Variants in CCDC171 observed in about 807,000 individuals in gnomAD.
CCDC171 encodes the protein coiled-coil domain-containing protein 171.
Under a neutral mutation model 168.2 loss-of-function variants are expected in CCDC171, and 177 were observed. That is an observed-to-expected ratio of 1.05 (90% CI 0.93 to 1.19). The LOEUF is 1.19. Ranked by LOEUF, CCDC171 falls within the 50% of genes most tolerant of loss-of-function variation. CCDC171 has a pLI of 0.00. For missense variants in CCDC171, 1,991 were observed against 1,539.0 expected (o/e 1.29, Z -4.91); for synonymous variants, 687 against 540.8 (o/e 1.27, Z -3.75).
At chr9:15,733,960 A>C (rs1371162130) in intron 16 of CCDC171, among the ~76,000 whole-genome samples, 1 of 152,004 alleles carries the variant, frequency 6.6e-6, no homozygotes, top group Non-Finnish European at 1.5e-5. Context: ...TTTTTTGTAG[A>C]GATGAGGTCT....
chr9:15,586,863 A>C (rs2041602245), intron 4 of CCDC171, among the ~76,000 whole-genome samples: 1 of 152,150 alleles, frequency 6.6e-6, no homozygotes, highest in Non-Finnish European at 1.5e-5. Flanking sequence ...GCTGGAGGGC[A>C]GTGGTGTGGT....
the CCDC171 span, among the ~76,000 whole-genome samples, chr9:16,107,798 G>C: frequency 2.0e-5 from 3 of 152,054 alleles, no homozygotes; most frequent in Non-Finnish European, 4.4e-5. Context: ...GTTTCTCAAG[G>C]TCAGGAGCCT....
At chr9:15,606,525 G>A (rs1163654817) in intron 6 of CCDC171, among the ~76,000 whole-genome samples, 2 of 152,140 alleles carry the variant, frequency 1.3e-5, no homozygotes, top group Non-Finnish European at 2.9e-5. Flanking sequence ...GGTCTTTCAG[G>A]AGATAATAAT....
At chr9:16,018,210 C>G (rs1402037818) in intron 3 of CCDC171, among the ~76,000 whole-genome samples, 2 of 152,030 alleles carry the variant, frequency 1.3e-5, no homozygotes, top group Non-Finnish European at 2.9e-5. Context: ...ATTTTTAACC[C>G]TTTCTGAGCT....
intron 11 of CCDC171, among the ~76,000 whole-genome samples, chr9:15,706,998 A>G (rs181549492): frequency 6.6e-6 from 1 of 152,306 alleles, no homozygotes; most frequent in Non-Finnish European, 1.5e-5. Flanking sequence ...TCATAAAGGA[A>G]TATTGCCTAC....
chr9:15,668,328 T>A (rs898762842), intron 9 of CCDC171, among the ~76,000 whole-genome samples: 3 of 152,212 alleles, frequency 2.0e-5, no homozygotes, highest in African/African-American at 7.2e-5. Context: ...TATACTTTCC[T>A]AATTGGACCC....
intron 3 of CCDC171, among the ~76,000 whole-genome samples, chr9:15,572,226 G>A (rs981091029): frequency 6.6e-6 from 1 of 152,064 alleles, no homozygotes; most frequent in Admixed American, 6.6e-5. Flanking sequence ...TATTTCATAT[G>A]TATATGCATA....
intron 21 of CCDC171, among the ~76,000 whole-genome samples, chr9:15,825,233 A>G (rs1167037276): frequency 3.3e-5 from 5 of 152,082 alleles, no homozygotes. Context: ...AAAGACACCA[A>G]CCACATGATT....
chr9:15,931,657 G>T (rs1249591700), intron 25 of CCDC171, among the ~76,000 whole-genome samples: 3 of 150,708 alleles, frequency 2.0e-5, no homozygotes, highest in Admixed American at 6.6e-5. Flanking sequence ...TGTTTTTGTT[G>T]CCTGTGTTTT....
intron 4 of CCDC171, among the ~76,000 whole-genome samples, chr9:15,589,416 G>A (rs2041828422): frequency 1.3e-5 from 2 of 152,100 alleles, no homozygotes; most frequent in Admixed American, 6.6e-5. Flanking sequence ...TTTCTAGATT[G>A]TAGATCTTTA....
downstream of CCDC171, among the ~76,000 whole-genome samples, chr9:16,062,540 C>A (rs1011194995): frequency 6.6e-5 from 10 of 151,834 alleles, no homozygotes; most frequent in Non-Finnish European, 4.4e-5. Flanking sequence ...CCCTGTATGC[C>A]CTGAACCTAA....
rs2047287792 is a variant in CCDC171, at chr9:15,649,057, C to A, written c.823-8070C>A. Among the ~76,000 whole-genome samples, 2 of 152,100 alleles carry A rather than the reference C, an allele frequency of 1.3e-5. 1 individual carries two copies. The highest frequency in any genetic ancestry group is 4.2e-4 in the South Asian group (2 of 4,816). On this transcript the variant is annotated intron_variant, in intron 7 of 25. Transcript: ENST00000380701. ...ACTGGTACCAAAACAGAGATATAGA[C>A]CAATGGAACAGAACGGAGCTCTCAG...
At chr9:15,978,896 T>G (rs1484297218), downstream of CCDC171, among the ~76,000 whole-genome samples, 1 of 152,150 alleles carries the variant, frequency 6.6e-6, no homozygotes, top group Non-Finnish European at 1.5e-5. Context: ...TCACTTTCCA[T>G]TCCCCAATCC....
intron 6 of CCDC171, among the ~76,000 whole-genome samples, chr9:15,607,175 C>T (rs1202801850): frequency 6.6e-6 from 1 of 152,060 alleles, no homozygotes; most frequent in South Asian, 2.1e-4. Flanking sequence ...CCCAATATAA[C>T]CCAGCAATAC....
At chr9:15,753,664 A>G (rs865954206) in intron 18 of CCDC171, among the ~76,000 whole-genome samples, 1 of 152,264 alleles carries the variant, frequency 6.6e-6, no homozygotes, top group South Asian at 2.1e-4. Flanking sequence ...GTCTAGGAGC[A>G]GAGGTGCCTT....
At chr9:15,901,880 G>C (rs1024902351) in intron 24 of CCDC171, among the ~76,000 whole-genome samples, 1 of 152,076 alleles carries the variant, frequency 6.6e-6, no homozygotes, top group Admixed American at 6.5e-5. Flanking sequence ...ATTTTACATA[G>C]TACAGTCTTT....
chr9:15,748,517 A>G (rs957377937), intron 18 of CCDC171, among the ~76,000 whole-genome samples: 1 of 152,192 alleles, frequency 6.6e-6, no homozygotes, highest in Non-Finnish European at 1.5e-5. Context: ...AAGACACATA[A>G]TCGATAGATT....
intron 16 of CCDC171, among the ~76,000 whole-genome samples, chr9:15,731,520 G>A (rs2054150528): frequency 6.6e-6 from 1 of 152,098 alleles, no homozygotes; most frequent in South Asian, 2.1e-4. Context: ...CATTTACGTT[G>A]TTGTGTGAAT....
At chr9:15,767,130 T>C (rs1428696488) in intron 18 of CCDC171, among the ~76,000 whole-genome samples, 1 of 152,234 alleles carries the variant, frequency 6.6e-6, no homozygotes, top group Non-Finnish European at 1.5e-5. Context: ...GTTCCTGTTA[T>C]TGGGCTAACA....
Sources: gnomAD v4.1 joint callset for allele counts (sites outside exome capture counted in the v4.1 genomes callset) on GRCh38, gnomAD v4.1.1 for gene constraint, MANE v1.5 for transcripts, NCBI Gene and HGNC (gene_info 2026-07-23, HGNC 2026-07-21) for gene names.